GPC5: variants seen among roughly 807,000 people sequenced by gnomAD.
GPC5 encodes glypican-5.
A neutral mutation model predicts 53.9 loss-of-function variants in GPC5; 47 were observed. That is an observed-to-expected ratio of 0.87 (90% confidence interval 0.69 to 1.11). The LOEUF is 1.11. GPC5 is among the 50% of genes most tolerant of loss of function. GPC5 has a pLI of 0.00. For synonymous variants in GPC5, 286 were observed against 263.3 expected, an observed-to-expected ratio of 1.09 and a Z score of -0.84; for missense variants, 748 against 713.1, an observed-to-expected ratio of 1.05 and a Z score of -0.56.
At chr13:92,634,372 T>C (rs916958991) in intron 7 of GPC5, among the ~76,000 whole-genome samples, 2 of 152,104 alleles carry the variant, frequency 1.3e-5, no homozygotes, top group Non-Finnish European at 2.9e-5. Flanking sequence ...GGGGAAGTGA[T>C]GAGAATAAAA....
At chr13:92,326,522 A>AG (rs200564187) in intron 7 of GPC5, among the ~76,000 whole-genome samples, 1,529 of 152,270 alleles carry the variant, frequency 0.01, 27 homozygotes, top group Middle Eastern at 0.048. Context: ...TGTTTACAAT[A>AG]GAGATAGAAC....
chr13:91,547,338 A>G (rs1447866234), intron 2 of GPC5, among the ~76,000 whole-genome samples: 1 of 152,062 alleles, frequency 6.6e-6, no homozygotes, highest in Non-Finnish European at 1.5e-5. Context: ...TGCAGATTCC[A>G]TGGACATTTA....
rs1277090492 is a variant in GPC5, at chr13:92,458,299, T to C, written c.1561+313310T>C. Among the ~76,000 whole-genome samples the C allele has an allele frequency of 6.6e-5, 8 of 121,902 alleles. No individual in the cohort carries two copies. In the Admixed American group the frequency reaches 6.6e-4, roughly 10 times the overall value. The allele number at this position is 121,902 out of a possible 152,430, so 80.0% of individuals were successfully genotyped here. ...TTAACACATACTAGTTATTATTCTT[T>C]TTTTGGGGGGGGCAGGGTGGGGGAT... is the stretch of plus-strand genomic sequence containing the variant. On this transcript the variant is annotated intron_variant, in intron 7 of 7. Transcript: ENST00000377067.
At chr13:92,780,007 T>G (rs1233612807) in intron 7 of GPC5, among the ~76,000 whole-genome samples, 1 of 152,126 alleles carries the variant, frequency 6.6e-6, no homozygotes, top group Non-Finnish European at 1.5e-5. Context: ...TTAAGCAGTC[T>G]TTCATATCCC....
intron 6 of GPC5, among the ~76,000 whole-genome samples, chr13:91,963,158 G>A (rs1041162594): frequency 6.6e-6 from 1 of 152,050 alleles, no homozygotes; most frequent in Non-Finnish European, 1.5e-5. Flanking sequence ...GTACCTATTA[G>A]GTACAGGTAT....
chr13:91,658,133 G>A (rs1426272002), intron 2 of GPC5, among the ~76,000 whole-genome samples: 1 of 151,956 alleles, frequency 6.6e-6, no homozygotes, highest in Non-Finnish European at 1.5e-5. Context: ...GCTGGAGTAG[G>A]GCAAGCACAT....
At position 92,013,081 on chromosome 13, in the gene GPC5, T is replaced by A. The variant is rs955371425; in HGVS notation, c.1401+105024T>A. Among the ~76,000 whole-genome samples the A allele has an allele frequency of 1.4e-4, 22 of 152,344 alleles. 1 individual carries two copies. Among genetic ancestry groups the A allele is most frequent in the African/African-American group, 5.1e-4 (21 of 41,584 alleles). On this transcript the variant is annotated intron_variant, in intron 6 of 7. Coordinates refer to ENST00000377067, the MANE Select transcript of GPC5 (RefSeq NM_004466.6). ...AGACAGCTGTGTGTTATCAGCTCAG[T>A]TGGCCCCTTGCCTCGTTGCATGTGG...
chr13:91,826,682 C>T (rs543649203), intron 5 of GPC5, among the ~76,000 whole-genome samples: 10 of 152,050 alleles, frequency 6.6e-5, no homozygotes, highest in African/African-American at 1.9e-4. Context: ...GGAACTGACA[C>T]GAGAATTGAC....
chr13:91,491,558 C>T (rs937622788), intron 2 of GPC5, among the ~76,000 whole-genome samples: 23 of 152,072 alleles, frequency 1.5e-4, no homozygotes, highest in Non-Finnish European at 2.9e-4. Flanking sequence ...CATCACATAC[C>T]GAATAGCTTA....
At chr13:91,458,069 AT>A (rs1275723690) in intron 2 of GPC5, among the ~76,000 whole-genome samples, 1 of 152,148 alleles carries the variant, frequency 6.6e-6, no homozygotes, top group African/African-American at 2.4e-5. Context: ...GAGGGCTGCA[AT>A]TTTAAATTGG....
At chr13:92,819,631 C>A (rs1362763155) in intron 7 of GPC5, among the ~76,000 whole-genome samples, 1 of 151,940 alleles carries the variant, frequency 6.6e-6, no homozygotes, top group Admixed American at 6.6e-5. Flanking sequence ...ATATGTTTTT[C>A]TAGTTTTCAC....
intron 7 of GPC5, among the ~76,000 whole-genome samples, chr13:92,663,604 A>G (rs1886426592): frequency 7.1e-6 from 1 of 141,340 alleles, no homozygotes; most frequent in African/African-American, 2.6e-5. Context: ...TCTACTATAT[A>G]TATATATATC....
chr13:92,645,079 A>G (rs1885722747), intron 7 of GPC5, among the ~76,000 whole-genome samples: 1 of 152,196 alleles, frequency 6.6e-6, no homozygotes, highest in Non-Finnish European at 1.5e-5. Flanking sequence ...TGATAAAAGC[A>G]TAGTTACATA....
At chr13:92,660,740 A>T (rs1344220161) in intron 7 of GPC5, among the ~76,000 whole-genome samples, 1 of 152,082 alleles carries the variant, frequency 6.6e-6, no homozygotes, top group Non-Finnish European at 1.5e-5. Flanking sequence ...TGCCTAACAG[A>T]TCTCTTAGTC....
intron 6 of GPC5, among the ~76,000 whole-genome samples, chr13:92,078,589 C>G (rs1157895004): frequency 1.3e-5 from 2 of 152,088 alleles, no homozygotes; most frequent in African/African-American, 4.8e-5. Context: ...TCTTAAAGTG[C>G]TCTGTCATTT....
rs75762184 is a variant in GPC5 at position 92,463,807 on chromosome 13, A to G, written c.1561+318818A>G. On this transcript the variant is annotated intron_variant, in intron 7 of 7. Transcript: ENST00000377067. ...GCTTTTTTCTACTATGAAATGTCAC[A>G]TTTTTATTCCAGTTTCCACTACTTT... Among the ~76,000 whole-genome samples the G allele has an allele frequency of 3.2e-3, 480 of 152,248 alleles. 1 individual carries two copies. The highest frequency in any genetic ancestry group is 0.011 in the African/African-American group (444 of 41,536).
At chr13:91,896,431 C>A (rs1451500001) in intron 5 of GPC5, among the ~76,000 whole-genome samples, 1 of 152,040 alleles carries the variant, frequency 6.6e-6, no homozygotes, top group African/African-American at 2.4e-5. Context: ...TATTTTAAGA[C>A]CCTTAATTTA....
At chr13:91,661,767 G>C (rs1429301664) in intron 2 of GPC5, among the ~76,000 whole-genome samples, 4 of 152,126 alleles carry the variant, frequency 2.6e-5, no homozygotes, top group Non-Finnish European at 5.9e-5. Flanking sequence ...AGGACTGTAA[G>C]GAAGCCAGCA....
chr13:92,322,080 T>C (rs2043219630), intron 7 of GPC5, among the ~76,000 whole-genome samples: 1 of 152,102 alleles, frequency 6.6e-6, no homozygotes, highest in African/African-American at 2.4e-5. Context: ...TATATAAACC[T>C]GCACTTGTAC....
Sources: gnomAD v4.1 joint callset for allele counts (sites outside exome capture counted in the v4.1 genomes callset) on GRCh38, gnomAD v4.1.1 for gene constraint, MANE v1.5 for transcripts, NCBI Gene and HGNC (gene_info 2026-07-23, HGNC 2026-07-21) for gene names.